TNS1: variants seen among roughly 807,000 people sequenced by gnomAD.
TNS1 encodes tensin-1.
A neutral mutation model predicts 168.6 loss-of-function variants in TNS1; 62 were observed. That is an observed-to-expected ratio of 0.37 (90% CI 0.30 to 0.45). TNS1 has a LOEUF of 0.45. Among genes scored for constraint, TNS1 ranks in the 20% least tolerant of loss-of-function variants. The pLI is 1.00. For missense variants in TNS1, 2,240 were observed against 2,339.4 expected (o/e 0.96, Z 0.88); for synonymous variants, 934 against 933.2 (o/e 1.00, Z -0.02).
chr2:217,922,709 T>C (rs941652490), intron 3 of TNS1, among the ~76,000 whole-genome samples: 3 of 152,096 alleles, frequency 2.0e-5, no homozygotes, highest in Admixed American at 1.3e-4. Context: ...CCAGGTATCC[T>C]GACCGCAGGT....
upstream of TNS1, among the ~76,000 whole-genome samples, chr2:218,013,746 G>C (rs1449366457): frequency 1.3e-5 from 2 of 152,106 alleles, no homozygotes; most frequent in Non-Finnish European, 2.9e-5. Flanking sequence ...GGCAAGGGGG[G>C]CTATACTGGG....
At chr2:217,887,583 C>T (rs1181658859) in intron 12 of TNS1, among the ~76,000 whole-genome samples, 1 of 152,228 alleles carries the variant, frequency 6.6e-6, no homozygotes, top group Non-Finnish European at 1.5e-5. Flanking sequence ...GCTGGGATTA[C>T]AGGTGTGAGC....
exon 1 of TNS1, chr2:218,010,174 A>G: frequency 2.5e-6 from 1 of 399,110 alleles, no homozygotes; most frequent in Non-Finnish European, 4.4e-6. Flanking sequence ...ACGCAGGAGA[A>G]GCACCAACTC....
At chr2:218,001,518 C>T (rs949276589) in intron 1 of TNS1, among the ~76,000 whole-genome samples, 8 of 152,148 alleles carry the variant, frequency 5.3e-5, no homozygotes, top group African/African-American at 1.9e-4. Context: ...TACCTGCCAT[C>T]CTTCTTGCTG....
chr2:218,010,475 G>A, upstream of TNS1: 1 of 325,728 alleles, frequency 3.1e-6, no homozygotes, highest in Non-Finnish European at 5.6e-6. Flanking sequence ...ACACCCTCAG[G>A]GACTCTTCCT....
intron 3 of TNS1, among the ~76,000 whole-genome samples, chr2:217,934,158 C>A (rs771607449): frequency 3.3e-5 from 5 of 152,160 alleles, no homozygotes; most frequent in Non-Finnish European, 5.9e-5. Flanking sequence ...CCCAGGACAG[C>A]CAGACTGCAA....
At chr2:217,919,852 A>T (rs939702366) in intron 4 of TNS1, among the ~76,000 whole-genome samples, 1 of 152,204 alleles carries the variant, frequency 6.6e-6, no homozygotes, top group African/African-American at 2.4e-5. Context: ...CTGACCCGGG[A>T]CCAGGCAGGC....
chr2:217,810,408 T>C, intron 28 of TNS1, 89 bp from the exon 29 acceptor site: 2 of 1,291,610 alleles, frequency 1.5e-6, no homozygotes, highest in Non-Finnish European at 2.2e-6. Context: ...TGCAACTCTT[T>C]GGCAGAAGGA....
At chr2:217,866,489 G>A (rs895479748) in intron 18 of TNS1, among the ~76,000 whole-genome samples, 3 of 152,180 alleles carry the variant, frequency 2.0e-5, no homozygotes, top group African/African-American at 7.2e-5. Flanking sequence ...GAGTCCCTGA[G>A]GCTAGGACAG....
chr2:218,033,717 C>G lies in TNS1; in HGVS notation c.156+103G>C. ...CCGCACTTCCCAAGCAGACTAGCAC[C>G]GTCCTGGGCTGGCTACTTAACCTGT... On this transcript the variant is annotated intron_variant, in intron 1 of 1. Coordinates refer to the TNS1 transcript ENST00000649572. The surrounding 1 kb of genome is among the most constrained non-coding windows in gnomAD (Gnocchi z 4.3). Among the ~76,000 whole-genome samples, 1 of 152,334 alleles carries G rather than the reference C, an allele frequency of 6.6e-6. No homozygotes were observed.
upstream of TNS1, among the ~76,000 whole-genome samples, chr2:218,004,665 A>G (rs934036): frequency 0.68 from 103,450 of 152,122 alleles, 36,212 homozygotes; most frequent in Middle Eastern, 0.81. Context: ...TGAAGTGTCA[A>G]TTTCCAGCCC....
intron 18 of TNS1, among the ~76,000 whole-genome samples, chr2:217,871,315 C>G (rs1353931877): frequency 6.6e-6 from 1 of 152,222 alleles, no homozygotes; most frequent in Non-Finnish European, 1.5e-5. Flanking sequence ...ACTGCCCCCA[C>G]CACCTTGAAG....
rs560099783 is a variant in TNS1, at chr2:217,866,655, C to A, written c.1429+14243G>T. Among the ~76,000 whole-genome samples, 754 of 152,288 alleles carry A rather than the reference C, an allele frequency of 5.0e-3. 6 individuals carry two copies. The highest frequency in any genetic ancestry group is 0.017 in the African/African-American group (712 of 41,548). The stretch of plus-strand genomic sequence containing the variant: ...ACCCGGCAGACAGCGGCAGGCAGCT[C>A]CTCAACCAGAGCAGAATTAGCTAGT... On this transcript the variant is annotated intron_variant, in intron 18 of 32. Transcript: ENST00000682258.
intron 3 of TNS1, among the ~76,000 whole-genome samples, chr2:217,960,920 TCA>T (rs1177702073): frequency 6.6e-6 from 1 of 152,128 alleles, no homozygotes; most frequent in Admixed American, 6.5e-5. Context: ...ACTCTGAGCC[TCA>T]GTTTCTCCTC....
In TNS1 at chr2:217,880,184, T is replaced by C. The variant is rs1053004620; in HGVS notation, c.1429+714A>G. On this transcript the variant is annotated intron_variant, in intron 18 of 32. Coordinates refer to ENST00000682258, the MANE Select transcript of TNS1 (RefSeq NM_001387777.1). This position sits in a 1 kb window ranked among gnomAD's most constrained non-coding sequence, Gnocchi z 4.2. ...AGCCCGCCCCACGTCTCCTTACACA[T>C]ATGCAGATAGACCACATAAATAAAT... is the stretch of plus-strand genomic sequence containing the variant. Among the ~76,000 whole-genome samples, 1 of 152,190 alleles carries C rather than the reference T, an allele frequency of 6.6e-6. No individual in the cohort carries two copies. The highest frequency in any genetic ancestry group is 2.4e-5 in the African/African-American group (1 of 41,454).
chr2:217,978,965 G>T (rs1957966193), intron 2 of TNS1, 163 bp from the exon 3 acceptor site: 1 of 616,602 alleles, frequency 1.6e-6, no homozygotes, highest in Non-Finnish European at 3.0e-6. Flanking sequence ...GGACGGAGGG[G>T]AGCGGCTGCC....
intron 9 of TNS1, 152 bp downstream of exon 9, chr2:217,894,854 G>T (rs765943175): frequency 3.8e-6 from 3 of 783,864 alleles, no homozygotes; most frequent in Admixed American, 2.3e-5. Context: ...TTGTGGAAAT[G>T]ATAAGTAGAT....
intron 18 of TNS1, among the ~76,000 whole-genome samples, chr2:217,856,568 A>G (rs1459694573): frequency 2.0e-5 from 3 of 152,192 alleles, no homozygotes; most frequent in African/African-American, 7.2e-5. Context: ...GAAATCCCGG[A>G]ACCTCTGAAG....
chr2:217,836,869 A>C (rs1364647866), intron 19 of TNS1, among the ~76,000 whole-genome samples: 1 of 151,774 alleles, frequency 6.6e-6, no homozygotes, highest in African/African-American at 2.4e-5. Flanking sequence ...GGATCCCACC[A>C]TGTCCCTCCC....
Sources: allele counts gnomAD v4.1 joint callset (sites outside exome capture counted in the v4.1 genomes callset), GRCh38; gene constraint gnomAD v4.1.1; non-coding constraint Gnocchi (gnomAD v3.1); transcripts MANE v1.5; gene names NCBI Gene and HGNC (gene_info 2026-07-23, HGNC 2026-07-21).